The following SLC35F5 variants were observed in gnomAD, a reference collection of about 807,000 sequenced individuals.
SLC35F5 encodes solute carrier family 35 member F5.
A neutral mutation model predicts 68.6 loss-of-function variants in SLC35F5; 54 were observed. The ratio of observed to expected loss-of-function variants is 0.79; its 90% CI spans 0.63 to 0.99. The LOEUF (loss-of-function observed/expected upper bound fraction) is 0.99, where lower values mean the gene tolerates loss of function less well. SLC35F5 is among the 50% of genes least tolerant of loss of function. The pLI is 0.00. For missense variants in SLC35F5, 567 were observed against 626.9 expected, an observed-to-expected ratio of 0.90 and a Z score of 1.02; for synonymous variants, 211 against 205.2, an observed-to-expected ratio of 1.03 and a Z score of -0.24.
chr2:113,747,857 C>T (rs568412585), intron 4 of SLC35F5, among the ~76,000 whole-genome samples: 4 of 152,222 alleles, frequency 2.6e-5, no homozygotes, highest in South Asian at 4.1e-4. Flanking sequence ...TCTGGGAGGC[C>T]GAGAGGGGTG....
intron 10 of SLC35F5, among the ~76,000 whole-genome samples, chr2:113,730,342 A>G (rs116163399): frequency 6.2e-4 from 95 of 152,298 alleles, no homozygotes; most frequent in African/African-American, 2.3e-3. Flanking sequence ...TATTCAAAAG[A>G]CGAATGTTTT....
intron 10 of SLC35F5, among the ~76,000 whole-genome samples, chr2:113,730,347 T>G (rs1468221422): frequency 6.6e-6 from 1 of 152,338 alleles, no homozygotes; most frequent in Non-Finnish European, 1.5e-5. Flanking sequence ...AAAAGACGAA[T>G]GTTTTATTAA....
rs571858379 is a variant in SLC35F5 at position 113,727,730 on chromosome 2, C to A, written c.1090+1671G>T. On this transcript the variant is annotated intron_variant, in intron 11 of 15. Coordinates refer to ENST00000245680, the MANE Select transcript of SLC35F5 (RefSeq NM_025181.5). ...CATCCCAATCCTAACTTCTCCGAAT[C>A]CTGTCTATTCTAAAGCCCAGGGCAG... Among the ~76,000 whole-genome samples the A allele has an allele frequency of 3.0e-4, 45 of 152,306 alleles. No homozygotes were observed. The South Asian group carries it at 3.7e-3, about 13-fold the overall frequency.
At position 113,744,478 on chromosome 2, in the gene SLC35F5, G is replaced by A. The variant is rs182905510; in HGVS notation, c.481-684C>T. Among the ~76,000 whole-genome samples the A allele has an allele frequency of 6.6e-5, 10 of 152,240 alleles. No homozygotes were observed. The East Asian group carries it at 1.9e-3, about 29-fold the overall frequency. On this transcript the variant is annotated intron_variant, in intron 5 of 15. Coordinates refer to ENST00000245680, the MANE Select transcript of SLC35F5 (RefSeq NM_025181.5). ...TTTTATAGAATATGGCCGGCACAGTGGTTCAGGCCTGTAATCCCAGAACTT... is the reference window on the plus strand; with the variant it reads ...TTTTATAGAATATGGCCGGCACAGTAGTTCAGGCCTGTAATCCCAGAACTT...
intron 6 of SLC35F5, 51 bp from the exon 7 acceptor site, chr2:113,742,930 A>G: frequency 1.3e-6 from 2 of 1,536,292 alleles, no homozygotes; most frequent in Non-Finnish European, 1.8e-6. Flanking sequence ...CTCTCCAACA[A>G]AAGTCACAAG....
rs199829963 is a variant in SLC35F5 at position 113,723,201 on chromosome 2, A to C, written c.1251-7T>G. ...TGAGGTAAGAAAGCAGCCCCTAAAAAAAAGAAAATATACATTTCTATATTT... is the reference window on the plus strand; with the variant it reads ...TGAGGTAAGAAAGCAGCCCCTAAAACAAAGAAAATATACATTTCTATATTT... On this transcript the variant is annotated splice_polypyrimidine_tract_variant and splice_region_variant and intron_variant, in intron 12 of 15. Coordinates refer to ENST00000245680, the MANE Select transcript of SLC35F5 (RefSeq NM_025181.5). 1.8e-4 allele frequency: 285 copies of C among 1,563,346 alleles called. 1 individual carries two copies. The East Asian group carries it at 4.1e-3, about 23-fold the overall frequency.
Position 113,750,569 on chromosome 2 carries a change from C to T in SLC35F5, c.274-1G>A, listed in dbSNP as rs959953057. On this transcript the variant is annotated splice_acceptor_variant, in intron 3 of 15. Coordinates refer to ENST00000245680, the MANE Select transcript of SLC35F5 (RefSeq NM_025181.5). LOFTEE classifies it high-confidence loss of function. ...GTTTGTTGTACTGGGTAAAAACATACTGTAGAGGAAAAAGTTACACAGACA... is the reference window on the plus strand; with the variant it reads ...GTTTGTTGTACTGGGTAAAAACATATTGTAGAGGAAAAAGTTACACAGACA... The T allele has an allele frequency of 3.1e-6, 5 of 1,598,398 alleles. No homozygotes were observed. The highest frequency in any genetic ancestry group is 4.3e-6 in the Non-Finnish European group (5 of 1,173,582).
Position 113,756,560 on chromosome 2 carries a change from A to G in SLC35F5, c.-151T>C. On this transcript the variant is annotated 5_prime_UTR_variant, in exon 1 of 16. Transcript: ENST00000245680. ...AGGGAGAGGCTCCCGACACCACCCA[A>G]CTCCACTCGGCCCAGGAGGGCGTGG... 6.8e-7 allele frequency: 1 copy of G among 1,462,760 alleles called. No individual in the cohort carries two copies. Among genetic ancestry groups the G allele is most frequent in the Non-Finnish European group, 9.0e-7 (1 of 1,110,460 alleles). The allele number at this position is 1,462,760 out of a possible 1,614,324, so 90.6% of individuals were successfully genotyped here.
At chr2:113,749,535 AT>A (rs1444137179) in intron 4 of SLC35F5, among the ~76,000 whole-genome samples, 98 of 152,314 alleles carry the variant, frequency 6.4e-4, no homozygotes, top group African/African-American at 2.3e-3. Flanking sequence ...GGATGTACTT[AT>A]TAGATAAGAC....
Position 113,709,781 on chromosome 2 carries a change from A to C in SLC35F5, c.*5437T>G, listed in dbSNP as rs1686919410. On this transcript the variant is annotated 3_prime_UTR_variant, in exon 16 of 16. Transcript: ENST00000245680. ...CCACCGCCAGACCTACTGAATCAGAAACTCTAGGGTGGCCCCCAGCAATCA... is the reference window on the plus strand; with the variant it reads ...CCACCGCCAGACCTACTGAATCAGACACTCTAGGGTGGCCCCCAGCAATCA... Among the ~76,000 whole-genome samples, 1 of 152,114 alleles carries C rather than the reference A, an allele frequency of 6.6e-6. No individual in the cohort carries two copies. Among genetic ancestry groups the C allele is most frequent in the African/African-American group, 2.4e-5 (1 of 41,416 alleles).
At chr2:113,747,299 A>AC (rs374415569) in intron 4 of SLC35F5, among the ~76,000 whole-genome samples, 7 of 151,548 alleles carry the variant, frequency 4.6e-5, no homozygotes, top group Admixed American at 3.9e-4. Flanking sequence ...AAAAAAAAAA[A>AC]CCCTGAATGA....
chr2:113,725,032 T>A (rs181373373), intron 12 of SLC35F5, among the ~76,000 whole-genome samples: 6 of 152,318 alleles, frequency 3.9e-5, no homozygotes, highest in Admixed American at 1.3e-4. Flanking sequence ...CACTCATACT[T>A]GGCATACATA....
At chr2:113,750,755 C>T (rs1413518173) in intron 3 of SLC35F5, among the ~76,000 whole-genome samples, 187 bp from the exon 4 acceptor site, 16 of 152,192 alleles carry the variant, frequency 1.1e-4, no homozygotes, top group Non-Finnish European at 4.4e-5. Flanking sequence ...CACAGAAGGG[C>T]ACCACCAAAC....
downstream of SLC35F5, among the ~76,000 whole-genome samples, chr2:113,704,434 C>G (rs938248038): frequency 1.6e-4 from 24 of 152,246 alleles, no homozygotes; most frequent in African/African-American, 5.5e-4. Context: ...ACTCCTCAGC[C>G]CTTGGGTAGT....
At position 113,742,845 on chromosome 2, in the gene SLC35F5, G is replaced by A. The variant is rs749635306; in HGVS notation, c.597C>T (p.Ile199=). The change falls in exon 7 of 16, where the codon ATC becomes ATT. Residue 199 remains isoleucine (I), a synonymous_variant. Coordinates refer to ENST00000245680, the MANE Select transcript of SLC35F5 (RefSeq NM_025181.5). The stretch of plus-strand genomic sequence containing the variant: ...TTGACGGAAGCTGTCGAATCTCCAT[G>A]ATATTACTGAACCTCACACGAGACT... ...PKKSRVRFSN[I]MEIRQLPSSH... is the part of the protein sequence containing the mutation. 7.4e-6 allele frequency: 12 copies of A among 1,614,064 alleles called. No homozygotes were observed. The highest frequency in any genetic ancestry group is 1.0e-5 in the Non-Finnish European group (12 of 1,179,968).
chr2:113,720,534 ATGAC>A (rs150229812), intron 13 of SLC35F5, among the ~76,000 whole-genome samples: 1 of 152,300 alleles, frequency 6.6e-6, no homozygotes, highest in African/African-American at 2.4e-5. Flanking sequence ...TTCATATACA[ATGAC>A]TGAGTCAGCC....
intron 3 of SLC35F5, among the ~76,000 whole-genome samples, chr2:113,751,770 A>G (rs980111723): frequency 1.3e-5 from 2 of 152,072 alleles, no homozygotes; most frequent in Non-Finnish European, 2.9e-5. Flanking sequence ...AGATCATGCC[A>G]CTGCACCATT....
intron 11 of SLC35F5, among the ~76,000 whole-genome samples, chr2:113,728,140 T>C (rs1246652451): frequency 6.6e-6 from 1 of 151,966 alleles, no homozygotes; most frequent in African/African-American, 2.4e-5. Flanking sequence ...TACAAACACA[T>C]GTAACCAAAC....
intron 12 of SLC35F5, 71 bp downstream of exon 12, chr2:113,725,303 AACAG>A: frequency 1.4e-6 from 2 of 1,433,614 alleles, no homozygotes; most frequent in Admixed American, 2.3e-5. Context: ...GCCACCAGCA[AACAG>A]ACAAATATAA....
Sources: gnomAD v4.1 joint callset for allele counts (sites outside exome capture counted in the v4.1 genomes callset) on GRCh38, gnomAD v4.1.1 for gene constraint, MANE v1.5 for transcripts, NCBI Gene and HGNC (gene_info 2026-07-23, HGNC 2026-07-21) for gene names.